The following DLGAP1 variants were observed in gnomAD, a reference collection of about 807,000 sequenced individuals.
DLGAP1 encodes the protein DLG associated protein 1.
DLGAP1 carries 11 observed loss-of-function variants against 90.8 expected under a neutral mutation model. That is an observed-to-expected ratio of 0.12 (90% CI 0.08 to 0.20). The LOEUF (loss-of-function observed/expected upper bound fraction) is 0.20, where lower values mean the gene tolerates loss of function less well. DLGAP1 is among the 10% of genes least tolerant of loss of function. The pLI is 1.00. For missense variants in DLGAP1, 1,050 were observed against 1,333.8 expected, an observed-to-expected ratio of 0.79 and a Z score of 3.31; for synonymous variants, 558 against 540.7, an observed-to-expected ratio of 1.03 and a Z score of -0.44.
chr18:4,208,184 T>A (rs937456457), intron 1 of DLGAP1, among the ~76,000 whole-genome samples: 49 of 152,224 alleles, frequency 3.2e-4, no homozygotes, highest in African/African-American at 1.1e-3. Context: ...AGATCTCCTG[T>A]ACAGGCTGCC....
chr18:3,570,962 C>T (rs904038612), intron 8 of DLGAP1, among the ~76,000 whole-genome samples: 1 of 148,212 alleles, frequency 6.7e-6, no homozygotes, highest in African/African-American at 2.5e-5. Context: ...AAAAACAGAA[C>T]AAACCAAAAC....
intron 1 of DLGAP1, among the ~76,000 whole-genome samples, chr18:4,397,479 C>G (rs1364077274): frequency 6.6e-6 from 1 of 152,160 alleles, no homozygotes; most frequent in Non-Finnish European, 1.5e-5. Context: ...TGTTCATCTT[C>G]TTTGAACTGA....
chr18:3,549,613 G>A (rs1218886066), intron 9 of DLGAP1, among the ~76,000 whole-genome samples: 1 of 152,128 alleles, frequency 6.6e-6, no homozygotes, highest in African/African-American at 2.4e-5. Flanking sequence ...TCACAGGCGT[G>A]AGCCACCACC....
chr18:3,765,130 C>CTT (rs1212463684), intron 5 of DLGAP1, among the ~76,000 whole-genome samples: 12 of 113,226 alleles, frequency 1.1e-4, no homozygotes, highest in South Asian at 8.7e-4. Flanking sequence ...TTTTTTTTTT[C>CTT]TTTTTTTTTT....
intron 1 of DLGAP1, among the ~76,000 whole-genome samples, chr18:4,310,984 A>G (rs2143451821): frequency 6.6e-6 from 1 of 152,286 alleles, no homozygotes; most frequent in East Asian, 1.9e-4. Flanking sequence ...ATTCTTTCAA[A>G]TTCTTAGCCC....
chr18:4,317,757 G>A (rs572799589), intron 1 of DLGAP1, among the ~76,000 whole-genome samples: 1 of 152,204 alleles, frequency 6.6e-6, no homozygotes, highest in Non-Finnish European at 1.5e-5. Flanking sequence ...TGATCCCCAG[G>A]ATGATCAAAC....
intron 3 of DLGAP1, among the ~76,000 whole-genome samples, chr18:3,938,511 T>C (rs1001682153): frequency 1.3e-5 from 2 of 152,228 alleles, no homozygotes; most frequent in Admixed American, 6.5e-5. Context: ...GTCGCGAGCC[T>C]CTGTTGTACT....
rs116969029 is a variant in DLGAP1 at position 4,331,288 on chromosome 18, C to G, written c.-267+123718G>C. On this transcript the variant is annotated intron_variant, in intron 1 of 12. Transcript: ENST00000315677. ...AGTGCATCACTCCCATTATCGAGCT[C>G]TCTATAGGTCAGTGAATGGGACACA... 7.8e-3 allele frequency among the ~76,000 whole-genome samples: 1,183 copies of G among 151,824 alleles called. 8 individuals carry two copies. The highest frequency in any genetic ancestry group is 0.033 in the South Asian group (161 of 4,824).
Position 4,407,839 on chromosome 18 carries a change from C to T in DLGAP1, c.-267+47167G>A, listed in dbSNP as rs537798587. 1.2e-4 allele frequency among the ~76,000 whole-genome samples: 18 copies of T among 151,218 alleles called. No homozygotes were observed. In the East Asian group the frequency reaches 2.7e-3, roughly 23 times the overall value. ...GGGAGGTTGCAGTGAGCCGAGATTACGCCAGAGTGAGACTCAGTCTCTAAA... is the reference window on the plus strand; with the variant it reads ...GGGAGGTTGCAGTGAGCCGAGATTATGCCAGAGTGAGACTCAGTCTCTAAA... On this transcript the variant is annotated intron_variant, in intron 1 of 12. Coordinates refer to ENST00000315677, the MANE Select transcript of DLGAP1 (RefSeq NM_004746.4).
intron 1 of DLGAP1, among the ~76,000 whole-genome samples, chr18:4,226,841 A>G (rs2078200670): frequency 1.3e-5 from 2 of 151,988 alleles, no homozygotes; most frequent in South Asian, 4.1e-4. Flanking sequence ...CAAAATCACA[A>G]GAATAAGTCC....
chr18:3,946,123 ATT>A (rs113162706), intron 3 of DLGAP1, among the ~76,000 whole-genome samples: 2 of 146,346 alleles, frequency 1.4e-5, no homozygotes, highest in African/African-American at 2.5e-5. Flanking sequence ...TTATTCCCTT[ATT>A]TTTTTTTTTT....
At chr18:3,740,979 C>T (rs577978907) in intron 6 of DLGAP1, among the ~76,000 whole-genome samples, 2,251 of 138,620 alleles carry the variant, frequency 0.016, 84 homozygotes, top group African/African-American at 0.059. Context: ...CATCACATCA[C>T]CACCACCACC....
intron 1 of DLGAP1, among the ~76,000 whole-genome samples, chr18:4,274,906 A>G (rs1043057954): frequency 1.3e-5 from 2 of 152,178 alleles, no homozygotes; most frequent in Non-Finnish European, 2.9e-5. Context: ...GAAAAAATAG[A>G]CTCCACTGAT....
chr18:3,554,407 A>G (rs1445370624), intron 9 of DLGAP1, among the ~76,000 whole-genome samples: 1 of 152,190 alleles, frequency 6.6e-6, no homozygotes, highest in African/African-American at 2.4e-5. Context: ...GATGAAGATG[A>G]TGGGTTTCTG....
intron 3 of DLGAP1, among the ~76,000 whole-genome samples, chr18:3,981,292 C>T (rs9959336): frequency 0.43 from 65,925 of 152,160 alleles, 14,507 homozygotes; most frequent in African/African-American, 0.46. Flanking sequence ...CACTTCAGCA[C>T]AACTCAGCAC....
At chr18:3,534,024 G>A (rs1352990183) in intron 10 of DLGAP1, among the ~76,000 whole-genome samples, 170 bp downstream of exon 10, 1 of 152,158 alleles carries the variant, frequency 6.6e-6, no homozygotes, top group Non-Finnish European at 1.5e-5. Context: ...GCTGTGCAGG[G>A]ACTTCTGGAC....
intron 1 of DLGAP1, among the ~76,000 whole-genome samples, chr18:4,190,482 C>T (rs1202628283): frequency 6.6e-6 from 1 of 152,078 alleles, no homozygotes; most frequent in African/African-American, 2.4e-5. Flanking sequence ...TCAAAATCCA[C>T]AGGGTATAGA....
intron 7 of DLGAP1, among the ~76,000 whole-genome samples, chr18:3,665,046 TAACCGCTGGGG>T (rs1382337307): frequency 6.6e-6 from 1 of 152,122 alleles, no homozygotes; most frequent in Non-Finnish European, 1.5e-5. Context: ...TTCCTTTTTG[TAACCGCTGGGG>T]AAGAGGAAGC....
chr18:4,081,791 T>G (rs7231963), intron 2 of DLGAP1, among the ~76,000 whole-genome samples: 41,500 of 152,164 alleles, frequency 0.27, 5,939 homozygotes, highest in Non-Finnish European at 0.31. Context: ...GTCTGCTCTG[T>G]GGGCCCAACA....
Sources: gnomAD v4.1 joint callset for allele counts (sites outside exome capture counted in the v4.1 genomes callset) on GRCh38, gnomAD v4.1.1 for gene constraint, MANE v1.5 for transcripts, NCBI Gene and HGNC (gene_info 2026-07-23, HGNC 2026-07-21) for gene names.